The following PLG variants were observed in gnomAD, a reference collection of about 807,000 sequenced individuals.
PLG encodes plasmin.
PLG carries 41 observed loss-of-function variants against 104.4 expected under a neutral mutation model. That is an observed-to-expected ratio of 0.39 (90% CI 0.31 to 0.51). The LOEUF (loss-of-function observed/expected upper bound fraction) is 0.51, where lower values mean the gene tolerates loss of function less well. Among genes scored for constraint, PLG ranks in the 20% least tolerant of loss-of-function variants. PLG has a pLI of 0.76. For synonymous variants in PLG, 337 were observed against 357.1 expected, an observed-to-expected ratio of 0.94 and a Z score of 0.63; for missense variants, 891 against 1,003.6, an observed-to-expected ratio of 0.89 and a Z score of 1.52.
intron 17 of PLG, among the ~76,000 whole-genome samples, chr6:160,748,231 G>T (rs997086346): frequency 6.6e-6 from 1 of 151,326 alleles, no homozygotes; most frequent in Non-Finnish European, 1.5e-5. Flanking sequence ...CTTCAACCTG[G>T]GAGGTGGAGG....
chr6:160,723,176 GTA>G lies in PLG; in HGVS notation c.1256+621_1256+622del, dbSNP rs34935018. Among the ~76,000 whole-genome samples, 1 of 140,798 alleles carries G rather than the reference GTA, an allele frequency of 7.1e-6. No individual in the cohort carries two copies. The allele number at this position is 140,798 out of a possible 152,430, so 92.4% of individuals were successfully genotyped here. Reference sequence around the variant, plus strand: ...ATTAGAATATATATAACATAAATATGTATATATATATATTCTGACCTGTATAA... The same window carrying G: ...ATTAGAATATATATAACATAAATATGTATATATATATTCTGACCTGTATAA... On this transcript the variant is annotated intron_variant, in intron 10 of 18. Transcript: ENST00000308192. The surrounding 1 kb of genome is among the most constrained non-coding windows in gnomAD (Gnocchi z 4.7).
intron 1 of PLG, among the ~76,000 whole-genome samples, chr6:160,702,852 A>G (rs1370894027): frequency 2.0e-5 from 3 of 152,190 alleles, no homozygotes; most frequent in Non-Finnish European, 2.9e-5. Context: ...AAGGCTTTCC[A>G]TCAGTATACG....
chr6:160,718,590 A>C, intron 8 of PLG, 103 bp from the exon 9 acceptor site: 1 of 1,408,678 alleles, frequency 7.1e-7, no homozygotes. Flanking sequence ...AGTAAAGGAA[A>C]TGAACTTTAG....
rs975470407 is a variant in PLG, at chr6:160,753,827, A to G, written c.*766A>G. Among the ~76,000 whole-genome samples the G allele has an allele frequency of 6.6e-6, 1 of 152,236 alleles. No homozygotes were observed. Among genetic ancestry groups the G allele is most frequent in the Non-Finnish European group, 1.5e-5 (1 of 68,044 alleles). On this transcript the variant is annotated 3_prime_UTR_variant, in exon 19 of 19. Transcript: ENST00000308192. This position sits in a 1 kb window ranked among gnomAD's most constrained non-coding sequence, Gnocchi z 5.4. ...CCTGCCCGGTTTTGAAACAGTCTGC[A>G]GTACACACGGTCACAGGAGAATGAC...
chr6:160,717,909 C>T (rs1777766024), intron 7 of PLG, among the ~76,000 whole-genome samples: 1 of 152,176 alleles, frequency 6.6e-6, no homozygotes, highest in Non-Finnish European at 1.5e-5. Context: ...CCAGAACACC[C>T]TGCAGCCATC....
chr6:160,747,107 G>A (rs1354579799), intron 17 of PLG, among the ~76,000 whole-genome samples: 1 of 152,174 alleles, frequency 6.6e-6, no homozygotes, highest in Non-Finnish European at 1.5e-5. Context: ...AACAACAAAA[G>A]TTATAATTAG....
chr6:160,729,624 T>C lies in PLG; in HGVS notation c.1257-1427T>C, dbSNP rs1777967564. 5.3e-5 allele frequency among the ~76,000 whole-genome samples: 8 copies of C among 152,354 alleles called. No homozygotes were observed. The South Asian group carries it at 1.2e-3, about 24-fold the overall frequency. ...AAATATATTAAGGAAAGGAGGCAGA[T>C]ACATAAGTGTACATTCTGTATGAGC... is the stretch of plus-strand genomic sequence containing the variant. On this transcript the variant is annotated intron_variant, in intron 10 of 18. Coordinates refer to ENST00000308192, the MANE Select transcript of PLG (RefSeq NM_000301.5).
At chr6:160,749,357 CCA>C (rs1386580060) in intron 17 of PLG, among the ~76,000 whole-genome samples, 2 of 151,078 alleles carry the variant, frequency 1.3e-5, no homozygotes, top group African/African-American at 4.9e-5. Context: ...ATTACCACCA[CCA>C]CCATTGTCAC....
Position 160,719,179 on chromosome 6 carries a change from A to T in PLG, c.1096+341A>T, listed in dbSNP as rs1777792864. On this transcript the variant is annotated intron_variant, in intron 9 of 18. Transcript: ENST00000308192. This position sits in a 1 kb window ranked among gnomAD's most constrained non-coding sequence, Gnocchi z 4.1. ...CCTCCTTCATTGACTACTGTGGATG[A>T]ATGGTGATGTGTCCAACTTTAACTG... 6.6e-6 allele frequency among the ~76,000 whole-genome samples: 1 copy of T among 152,184 alleles called. No individual in the cohort carries two copies. The highest frequency in any genetic ancestry group is 1.5e-5 in the Non-Finnish European group (1 of 68,032).
chr6:160,727,210 A>C (rs757881679), intron 10 of PLG, among the ~76,000 whole-genome samples: 2 of 151,918 alleles, frequency 1.3e-5, no homozygotes, highest in African/African-American at 2.4e-5. Context: ...AAAAAAACAA[A>C]TAAGCAAATT....
rs1562381556 is a variant in PLG at position 160,741,948 on chromosome 6, T to TA, written c.2125+533dup. Among the ~76,000 whole-genome samples, 1 of 152,220 alleles carries TA rather than the reference T, an allele frequency of 6.6e-6. No individual in the cohort carries two copies. The highest frequency in any genetic ancestry group is 1.5e-5 in the Non-Finnish European group (1 of 68,040). ...TGTTCCTGTGTTAGTTTTCTAAGAA[T>TA]AACGGCCTCCAGCTCCATTCATGTT... On this transcript the variant is annotated intron_variant, in intron 17 of 18. Transcript: ENST00000308192. The surrounding 1 kb of genome is among the most constrained non-coding windows in gnomAD (Gnocchi z 4.7).
rs150735059 is a variant in PLG at position 160,739,794 on chromosome 6, C to CA, written c.2018+596dup. ...AAACACCAAAAAAACAAAAAACAAA[C>CA]AAAAAAAAAACAACTTCACAATGTC... On this transcript the variant is annotated intron_variant, in intron 16 of 18. Coordinates refer to ENST00000308192, the MANE Select transcript of PLG (RefSeq NM_000301.5). The surrounding 1 kb of genome is among the most constrained non-coding windows in gnomAD (Gnocchi z 4.4). 0.016 allele frequency among the ~76,000 whole-genome samples: 2,197 copies of CA among 141,392 alleles called. 52 individuals carry two copies. Among genetic ancestry groups the CA allele is most frequent in the African/African-American group, 0.05 (1,952 of 39,118 alleles). The allele number at this position is 141,392 out of a possible 152,430, so 92.8% of individuals were successfully genotyped here.
At position 160,718,466 on chromosome 6, in the gene PLG, C is replaced by G; in HGVS notation, c.950+10C>G. 6.2e-7 allele frequency: 1 copy of G among 1,604,356 alleles called. No individual in the cohort carries two copies. The highest frequency in any genetic ancestry group is 1.3e-5 in the African/African-American group (1 of 74,880). ...AAAACTTCCCCTGCAAGTAAGTCCC[C>G]TCCGGTCTCATTCTGCTGCTATGGA... On this transcript the variant is annotated intron_variant, in intron 8 of 18. Transcript: ENST00000308192.
At chr6:160,708,006 T>A (rs944883367) in intron 3 of PLG, 200 bp downstream of exon 3, 7 of 517,088 alleles carry the variant, frequency 1.4e-5, no homozygotes, top group African/African-American at 7.8e-5. Flanking sequence ...TTAGATTTAA[T>A]TTTTTTTGTT....
Position 160,752,044 on chromosome 6 carries a change from C to A in PLG, c.2126-71C>A. ...ACAGACAGGAGGTCCAGTGCCGCTG[C>A]TCTGTTCTGGAATATCCTCCTGAAT... On this transcript the variant is annotated intron_variant, in intron 17 of 18. Transcript: ENST00000308192. This position sits in a 1 kb window ranked among gnomAD's most constrained non-coding sequence, Gnocchi z 4.7. The A allele has an allele frequency of 7.3e-7, 1 of 1,375,162 alleles. No homozygotes were observed. The highest frequency in any genetic ancestry group is 1.0e-6 in the Non-Finnish European group (1 of 966,976). 85.2% of individuals were successfully genotyped at this position (1,375,162 alleles called of 1,614,324 possible).
At chr6:160,710,965 C>T in intron 3 of PLG, 112 bp from the exon 4 acceptor site, 5 of 921,350 alleles carry the variant, frequency 5.4e-6, no homozygotes, top group Non-Finnish European at 7.1e-6. Flanking sequence ...TTTTAGAAAG[C>T]AGAAACAGGG....
chr6:160,727,763 T>A (rs1777941748), intron 10 of PLG, among the ~76,000 whole-genome samples: 1 of 151,998 alleles, frequency 6.6e-6, no homozygotes. Context: ...AAACTATGAA[T>A]AGACTGGAAC....
intron 4 of PLG, chr6:160,711,725 A>T: frequency 6.2e-7 from 1 of 1,608,268 alleles, no homozygotes; most frequent in Non-Finnish European, 8.5e-7. Flanking sequence ...AAAATCAATG[A>T]AACTATGAGT....
chr6:160,747,659 A>T (rs1348543795), intron 17 of PLG, among the ~76,000 whole-genome samples: 1 of 152,176 alleles, frequency 6.6e-6, no homozygotes, highest in Admixed American at 6.5e-5. Context: ...AACATTTAAA[A>T]ACGAATGGTC....
Sources: gnomAD v4.1 joint callset for allele counts (sites outside exome capture counted in the v4.1 genomes callset) on GRCh38, gnomAD v4.1.1 for gene constraint, Gnocchi (gnomAD v3.1) non-coding constraint, MANE v1.5 for transcripts, NCBI Gene and HGNC (gene_info 2026-07-23, HGNC 2026-07-21) for gene names.